Variants in PTPRO observed in about 807,000 individuals in gnomAD.
PTPRO encodes protein tyrosine phosphatase receptor type O.
PTPRO carries 62 observed loss-of-function variants against 145.2 expected under a neutral mutation model. The ratio of observed to expected loss-of-function variants is 0.43; its 90% CI spans 0.35 to 0.53. The LOEUF is 0.53. PTPRO is among the 20% of genes least tolerant of loss of function. The pLI is 0.01. For missense variants in PTPRO, 1,345 were observed against 1,482.7 expected, an observed-to-expected ratio of 0.91 and a Z score of 1.53; for synonymous variants, 565 against 514.7, an observed-to-expected ratio of 1.10 and a Z score of -1.32.
chr12:15,504,410 AATG>A (rs1435933685), intron 6 of PTPRO, among the ~76,000 whole-genome samples: 2 of 152,196 alleles, frequency 1.3e-5, no homozygotes, highest in African/African-American at 4.8e-5. Flanking sequence ...CCCATAACGA[AATG>A]ATATTATAGG....
intron 1 of PTPRO, among the ~76,000 whole-genome samples, chr12:15,430,993 A>C (rs1315943401): frequency 6.6e-6 from 1 of 152,192 alleles, no homozygotes; most frequent in Admixed American, 6.5e-5. Context: ...TTGCTTAAAA[A>C]CTGTATTCAA....
At chr12:15,500,382 A>G (rs1942195889) in intron 4 of PTPRO, among the ~76,000 whole-genome samples, 1 of 152,208 alleles carries the variant, frequency 6.6e-6, no homozygotes, top group Non-Finnish European at 1.5e-5. Context: ...GTCAACAGTT[A>G]AGATTCTATT....
rs760054040 is a variant in PTPRO at position 15,560,241 on chromosome 12, G to C, written c.2676G>C (p.Trp892Cys). 1.1e-5 allele frequency: 18 copies of C among 1,595,132 alleles called. No individual in the cohort carries two copies. The highest frequency in any genetic ancestry group is 1.5e-5 in the Non-Finnish European group (18 of 1,163,386). The change falls in exon 17 of 27, where the codon TGG becomes TGC. Residue 892 changes from tryptophan (W) to cysteine (C), a missense_variant. Transcript: ENST00000281171. Reference sequence around the variant, plus strand: ...TAACCCTGCTACCCTCATGTCTTTGGACTGATTATCTTTTGGCATTTTATA... The same window carrying C: ...TAACCCTGCTACCCTCATGTCTTTGCACTGATTATCTTTTGGCATTTTATA... Reference protein sequence around the residue: ...AFLTLLPSCLWTDYLLAFYIN... With the variant: ...AFLTLLPSCLCTDYLLAFYIN...
chr12:15,586,557 G>C (rs1944433866), intron 23 of PTPRO, among the ~76,000 whole-genome samples: 1 of 152,140 alleles, frequency 6.6e-6, no homozygotes. Context: ...TGTATCTAAA[G>C]GGCACCAACA....
At chr12:15,509,191 A>G (rs1295006146) in intron 7 of PTPRO, among the ~76,000 whole-genome samples, 1 of 152,154 alleles carries the variant, frequency 6.6e-6, no homozygotes, top group Non-Finnish European at 1.5e-5. Flanking sequence ...TTCACGGAAG[A>G]AGGAGCTGAG....
At chr12:15,331,962 CTTTTTTTTTT>C (rs200334215) in intron 1 of PTPRO, among the ~76,000 whole-genome samples, 1 of 118,248 alleles carries the variant, frequency 8.5e-6, no homozygotes, top group South Asian at 3.0e-4. Flanking sequence ...CTCTTTCTTT[CTTTTTTTTTT>C]TTTTTTTTTT....
At chr12:15,338,497 G>A (rs902010790) in intron 1 of PTPRO, among the ~76,000 whole-genome samples, 5 of 152,096 alleles carry the variant, frequency 3.3e-5, no homozygotes, top group Non-Finnish European at 7.4e-5. Flanking sequence ...TATGAAGCAC[G>A]TTGTATATTG....
At chr12:15,532,135 T>G (rs1942974610) in intron 12 of PTPRO, among the ~76,000 whole-genome samples, 1 of 152,148 alleles carries the variant, frequency 6.6e-6, no homozygotes, top group Non-Finnish European at 1.5e-5. Flanking sequence ...TTGTCTCCTA[T>G]TTGCCAAGAC....
chr12:15,325,757 C>T (rs1206598143), intron 1 of PTPRO, among the ~76,000 whole-genome samples: 1 of 152,160 alleles, frequency 6.6e-6, no homozygotes, highest in East Asian at 1.9e-4. Context: ...TCAGTTTACT[C>T]AGTATAAGTA....
At chr12:15,327,029 C>T (rs976728199) in intron 1 of PTPRO, among the ~76,000 whole-genome samples, 2 of 152,054 alleles carry the variant, frequency 1.3e-5, no homozygotes, top group African/African-American at 4.8e-5. Flanking sequence ...TTTAAATTTT[C>T]TGCATTATAT....
chr12:15,417,528 T>C (rs1454202712), intron 1 of PTPRO, among the ~76,000 whole-genome samples: 1 of 151,736 alleles, frequency 6.6e-6, no homozygotes, highest in African/African-American at 2.4e-5. Context: ...CCATCAGCAT[T>C]GAAATCACCT....
intron 19 of PTPRO, among the ~76,000 whole-genome samples, chr12:15,574,776 G>C (rs1162017861): frequency 6.6e-6 from 1 of 152,058 alleles, no homozygotes; most frequent in East Asian, 1.9e-4. Flanking sequence ...TGGATTTTTT[G>C]TAATCATGCG....
chr12:15,417,818 A>T (rs1940024995), intron 1 of PTPRO, among the ~76,000 whole-genome samples: 1 of 151,724 alleles, frequency 6.6e-6, no homozygotes, highest in African/African-American at 2.4e-5. Flanking sequence ...GGCCTTTAAT[A>T]CTAGGATTTA....
intron 1 of PTPRO, among the ~76,000 whole-genome samples, chr12:15,358,119 A>T (rs1204126147): frequency 1.3e-5 from 2 of 151,284 alleles, no homozygotes; most frequent in African/African-American, 4.9e-5. Context: ...CATCATTCTC[A>T]GTAAACTATC....
intron 1 of PTPRO, among the ~76,000 whole-genome samples, chr12:15,406,646 T>C (rs1238627668): frequency 6.6e-6 from 1 of 152,226 alleles, no homozygotes; most frequent in Non-Finnish European, 1.5e-5. Flanking sequence ...AATACAATTA[T>C]GACTTTCTTC....
At chr12:15,353,814 C>CT (rs1307612471) in intron 1 of PTPRO, among the ~76,000 whole-genome samples, 2 of 152,182 alleles carry the variant, frequency 1.3e-5, no homozygotes, top group Non-Finnish European at 2.9e-5. Flanking sequence ...ATTTCCACCT[C>CT]TTGGTAGCCA....
Position 15,371,434 on chromosome 12 carries a change from T to C in PTPRO, c.75+48633T>C, listed in dbSNP as rs149185476. The stretch of plus-strand genomic sequence containing the variant: ...TTTTAGTAGCAACGGGGTTTCACTA[T>C]CTTGGCCAGGTTGGTCTTGAACTCC... On this transcript the variant is annotated intron_variant, in intron 1 of 26. Transcript: ENST00000281171. 1.6e-3 allele frequency among the ~76,000 whole-genome samples: 237 copies of C among 151,992 alleles called. 2 individuals carry two copies. Among genetic ancestry groups the C allele is most frequent in the African/African-American group, 5.6e-3 (231 of 41,310 alleles).
At chr12:15,398,690 CTT>C (rs57371510) in intron 1 of PTPRO, among the ~76,000 whole-genome samples, 6 of 147,964 alleles carry the variant, frequency 4.1e-5, no homozygotes, top group African/African-American at 7.4e-5. Context: ...TACAGAAACT[CTT>C]TTTTTTTTTA....
intron 12 of PTPRO, among the ~76,000 whole-genome samples, chr12:15,534,598 G>A (rs1943029624): frequency 6.6e-6 from 1 of 152,118 alleles, no homozygotes; most frequent in South Asian, 2.1e-4. Flanking sequence ...TTTCTTTGAG[G>A]AAGCCATGGA....
Sources: allele counts gnomAD v4.1 joint callset (sites outside exome capture counted in the v4.1 genomes callset), GRCh38; gene constraint gnomAD v4.1.1; transcripts MANE v1.5; gene names NCBI Gene and HGNC (gene_info 2026-07-23, HGNC 2026-07-21).